The following RAP1A variants were observed in gnomAD, a reference collection of about 807,000 sequenced individuals.
RAP1A encodes the protein RAP1A, member of RAS oncogene family.
A neutral mutation model predicts 26.4 loss-of-function variants in RAP1A; 6 were observed. The ratio of observed to expected loss-of-function variants is 0.23; its 90% CI spans 0.12 to 0.45. The LOEUF (loss-of-function observed/expected upper bound fraction) is 0.45, where lower values mean the gene tolerates loss of function less well. RAP1A is among the 20% of genes least tolerant of loss of function. The probability of loss-of-function intolerance (pLI) is 0.99; values close to 1 mark genes in which losing one functional copy is unlikely to be tolerated. For synonymous variants in RAP1A, 73 were observed against 79.4 expected, an observed-to-expected ratio of 0.92 and a Z score of 0.43; for missense variants, 121 against 217.2, an observed-to-expected ratio of 0.56 and a Z score of 2.78.
intron 1 of RAP1A, among the ~76,000 whole-genome samples, chr1:111,565,031 A>C (rs1657886355): frequency 6.6e-6 from 1 of 152,200 alleles, no homozygotes; most frequent in African/African-American, 2.4e-5. Context: ...GAAGTTGGTC[A>C]GGGAAGGCAG....
Position 111,640,037 on chromosome 1 carries a change from C to G in RAP1A, c.-28+20103C>G, listed in dbSNP as rs1659846030. Among the ~76,000 whole-genome samples, 3 of 152,350 alleles carry G rather than the reference C, an allele frequency of 2.0e-5. No individual in the cohort carries two copies. In the South Asian group the frequency reaches 6.2e-4, roughly 32 times the overall value. Reference sequence around the variant, plus strand: ...TTGTGAATGTACACAAAACTGAGTCCTTTATCTCAGAATCACAGCTGCAAA... The same window carrying G: ...TTGTGAATGTACACAAAACTGAGTCGTTTATCTCAGAATCACAGCTGCAAA... On this transcript the variant is annotated intron_variant, in intron 1 of 7. Transcript: ENST00000369709.
intron 1 of RAP1A, among the ~76,000 whole-genome samples, chr1:111,623,258 T>C (rs1659279261): frequency 1.3e-5 from 2 of 151,964 alleles, no homozygotes; most frequent in Admixed American, 1.3e-4. Context: ...ACTCCTGACC[T>C]CAAGTGATCC....
rs560683012 is a variant in RAP1A at position 111,561,440 on chromosome 1, T to C, written c.-28+18931T>C. On this transcript the variant is annotated intron_variant, in intron 1 of 7. Transcript: ENST00000356415. ...CCCAGCTCCAATCATTAATTTTAGA[T>C]GGAGGATCTGGTGGCCAGCTGGCAG... is the stretch of plus-strand genomic sequence containing the variant. Among the ~76,000 whole-genome samples, 3 of 152,230 alleles carry C rather than the reference T, an allele frequency of 2.0e-5. No individual in the cohort carries two copies. In the East Asian group the frequency reaches 5.8e-4, roughly 29 times the overall value.
chr1:111,687,314 TCTC>T (rs1318536619), intron 1 of RAP1A, among the ~76,000 whole-genome samples: 1 of 151,968 alleles, frequency 6.6e-6, no homozygotes, highest in Non-Finnish European at 1.5e-5. Context: ...TTTAAGCAAT[TCTC>T]CTGCCTCAGC....
chr1:111,658,950 T>C (rs1660548179), intron 1 of RAP1A, among the ~76,000 whole-genome samples: 1 of 152,222 alleles, frequency 6.6e-6, no homozygotes, highest in South Asian at 2.1e-4. Flanking sequence ...AATTGTTATG[T>C]CTTCTTGGAG....
chr1:111,581,784 A>C (rs2101061099), intron 1 of RAP1A, among the ~76,000 whole-genome samples: 1 of 152,360 alleles, frequency 6.6e-6, no homozygotes, highest in African/African-American at 2.4e-5. Flanking sequence ...TGCTGCCTAG[A>C]GAATTCAGGG....
chr1:111,672,957 T>G (rs1342409103), intron 1 of RAP1A, among the ~76,000 whole-genome samples: 1 of 152,212 alleles, frequency 6.6e-6, no homozygotes, highest in Non-Finnish European at 1.5e-5. Flanking sequence ...CTGCTGTTAC[T>G]TTGGGTCTGG....
At chr1:111,601,208 G>A (rs555311753) in intron 1 of RAP1A, among the ~76,000 whole-genome samples, 8 of 152,240 alleles carry the variant, frequency 5.3e-5, no homozygotes, top group African/African-American at 9.6e-5. Context: ...TGGTGAGGCC[G>A]GTGATCACCG....
intron 1 of RAP1A, among the ~76,000 whole-genome samples, chr1:111,663,371 C>T (rs1308250834): frequency 6.6e-6 from 1 of 152,188 alleles, no homozygotes; most frequent in East Asian, 1.9e-4. Context: ...TATACTGCCT[C>T]CTGATTTGGG....
chr1:111,596,123 T>TA (rs891648781), intron 1 of RAP1A, among the ~76,000 whole-genome samples: 2 of 152,320 alleles, frequency 1.3e-5, no homozygotes, highest in African/African-American at 4.8e-5. Flanking sequence ...AGTGCAATTT[T>TA]AAAAAAGAGT....
intron 1 of RAP1A, chr1:111,648,475 A>G (rs567230859): frequency 5.5e-6 from 3 of 548,630 alleles, no homozygotes; most frequent in African/African-American, 1.9e-5. Context: ...TGACCTTGAT[A>G]TTCAGCAGGG....
intron 1 of RAP1A, among the ~76,000 whole-genome samples, chr1:111,633,412 G>A (rs1659633628): frequency 6.6e-6 from 1 of 152,200 alleles, no homozygotes; most frequent in Non-Finnish European, 1.5e-5. Context: ...AAAAACTAGT[G>A]TGATTATTTA....
At chr1:111,676,858 A>G (rs1661141194) in intron 1 of RAP1A, among the ~76,000 whole-genome samples, 1 of 151,660 alleles carries the variant, frequency 6.6e-6, no homozygotes, top group Admixed American at 6.6e-5. Flanking sequence ...CAGTGGTACA[A>G]TCTCAACTCA....
chr1:111,578,508 A>C (rs1016485880), intron 1 of RAP1A, among the ~76,000 whole-genome samples: 8 of 36,086 alleles, frequency 2.2e-4, no homozygotes, highest in African/African-American at 4.0e-4. Context: ...AAAAACCACA[A>C]AAAAAAATTA....
chr1:111,580,555 T>C (rs142179409), intron 1 of RAP1A, among the ~76,000 whole-genome samples: 334 of 152,264 alleles, frequency 2.2e-3, no homozygotes, highest in African/African-American at 7.7e-3. Flanking sequence ...AGATCAAGAC[T>C]AGAGCCCTAG....
chr1:111,655,895 A>G (rs1215662136), intron 1 of RAP1A, among the ~76,000 whole-genome samples: 1 of 151,684 alleles, frequency 6.6e-6, no homozygotes, highest in Admixed American at 6.6e-5. Context: ...GGGTTTCACC[A>G]TTCACAGGAT....
intron 4 of RAP1A, among the ~76,000 whole-genome samples, chr1:111,699,488 G>GTC (rs1393397277): frequency 7.9e-6 from 1 of 126,062 alleles, no homozygotes; most frequent in African/African-American, 3.6e-5. Flanking sequence ...TTGAAACAGG[G>GTC]TCTCTCTCTG....
upstream of RAP1A, among the ~76,000 whole-genome samples, chr1:111,615,007 G>C (rs972186996): frequency 1.3e-5 from 2 of 152,126 alleles, no homozygotes; most frequent in Non-Finnish European, 2.9e-5. Flanking sequence ...GGCCTTCAAG[G>C]ATTTCAACAG....
intron 1 of RAP1A, among the ~76,000 whole-genome samples, chr1:111,569,727 C>G (rs1328954135): frequency 6.6e-6 from 1 of 152,138 alleles, no homozygotes; most frequent in East Asian, 1.9e-4. Flanking sequence ...TGGGGAGGTA[C>G]CTTTGGCCAA....
Sources: gnomAD v4.1 joint callset for allele counts (sites outside exome capture counted in the v4.1 genomes callset) on GRCh38, gnomAD v4.1.1 for gene constraint, MANE v1.5 for transcripts, NCBI Gene and HGNC (gene_info 2026-07-23, HGNC 2026-07-21) for gene names.